The following KCNH5 variants were observed in gnomAD, a reference collection of about 807,000 sequenced individuals.
KCNH5 encodes voltage-gated delayed rectifier potassium channel KCNH5.
In KCNH5, 46 loss-of-function variants were observed where a neutral mutation model predicts 96.1. That is an observed-to-expected ratio of 0.48 (90% confidence interval 0.38 to 0.61). The LOEUF (loss-of-function observed/expected upper bound fraction) is 0.61, where lower values mean the gene tolerates loss of function less well. KCNH5 is among the 20% of genes least tolerant of loss of function. The pLI, the probability that KCNH5 is intolerant of heterozygous loss-of-function variation, is 0.00. For synonymous variants in KCNH5, 439 were observed against 449.8 expected (o/e 0.98, Z 0.30); for missense variants, 907 against 1,225.8 (o/e 0.74, Z 3.88).
At chr14:62,715,529 A>T (rs1056924036) in intron 10 of KCNH5, among the ~76,000 whole-genome samples, 3 of 152,218 alleles carry the variant, frequency 2.0e-5, no homozygotes, top group African/African-American at 7.2e-5. Context: ...TGTATATATC[A>T]GAGGCTGTAC....
Position 62,705,468 on chromosome 14 carries a change from A to T in KCNH5, c.*2040T>A, listed in dbSNP as rs1884411533. On this transcript the variant is annotated 3_prime_UTR_variant, in exon 11 of 11. Transcript: ENST00000322893. ...CTCACCATGAAAGCAACAAAATTCC[A>T]ATTTCAAGGCTGATTCTTTACTCCA... 1 of 151,966 alleles carries T rather than the reference A, an allele frequency of 6.6e-6. No individual in the cohort carries two copies. Among genetic ancestry groups the T allele is most frequent in the Non-Finnish European group, 1.5e-5 (1 of 67,862 alleles). 9.4% of individuals were successfully genotyped at this position (151,966 alleles called of 1,614,324 possible).
chr14:63,025,629 A>AAAC (rs940712385), intron 1 of KCNH5, among the ~76,000 whole-genome samples: 32 of 151,672 alleles, frequency 2.1e-4, no homozygotes, highest in African/African-American at 7.7e-4. Flanking sequence ...ACAAAAAAAA[A>AAAC]AACAGTACTT....
rs118119577 is a variant in KCNH5, at chr14:62,720,393, G to A, written c.2020-11938C>T. ...ATAGAAGAAGAGATACTAATTAAGA[G>A]ACTTTTTGACCCCGTCTCTACTAAA... is the stretch of plus-strand genomic sequence containing the variant. On this transcript the variant is annotated intron_variant, in intron 10 of 10. Coordinates refer to ENST00000322893, the MANE Select transcript of KCNH5 (RefSeq NM_139318.5). 6.1e-3 allele frequency among the ~76,000 whole-genome samples: 715 copies of A among 116,594 alleles called. 21 individuals carry two copies. The East Asian group carries it at 0.12, about 19-fold the overall frequency. 76.5% of individuals were successfully genotyped at this position (116,594 alleles called of 152,430 possible).
chr14:62,989,043 A>G (rs1335960739), intron 4 of KCNH5, among the ~76,000 whole-genome samples: 2 of 151,664 alleles, frequency 1.3e-5, no homozygotes, highest in Non-Finnish European at 2.9e-5. Context: ...ACACACACAC[A>G]CACTTATTTC....
At chr14:62,772,406 A>G (rs1435340237) in intron 10 of KCNH5, among the ~76,000 whole-genome samples, 1 of 152,178 alleles carries the variant, frequency 6.6e-6, no homozygotes, top group Non-Finnish European at 1.5e-5. Flanking sequence ...CAAGAAGCTG[A>G]GATGGGCAGA....
intron 7 of KCNH5, among the ~76,000 whole-genome samples, chr14:62,856,896 G>C (rs888751462): frequency 1.3e-5 from 2 of 151,956 alleles, no homozygotes; most frequent in African/African-American, 4.8e-5. Context: ...AAAACTATTT[G>C]ACGCATTTTC....
intron 7 of KCNH5, among the ~76,000 whole-genome samples, chr14:62,894,237 A>T (rs1249290777): frequency 6.6e-6 from 1 of 152,190 alleles, no homozygotes; most frequent in African/African-American, 2.4e-5. Flanking sequence ...TGAACCTATA[A>T]TATCTCTGAG....
intron 7 of KCNH5, among the ~76,000 whole-genome samples, chr14:62,945,905 T>C (rs1889878230): frequency 6.6e-6 from 1 of 151,504 alleles, no homozygotes; most frequent in Admixed American, 6.6e-5. Flanking sequence ...GTGAGTGAGG[T>C]AGGCAGGGCC....
intron 10 of KCNH5, among the ~76,000 whole-genome samples, chr14:62,722,132 A>C (rs1884829577): frequency 6.6e-6 from 1 of 152,206 alleles, no homozygotes. Context: ...CATTTGAACA[A>C]AATGATAAAG....
intron 7 of KCNH5, among the ~76,000 whole-genome samples, chr14:62,870,915 G>T (rs892994012): frequency 6.6e-6 from 1 of 152,090 alleles, no homozygotes; most frequent in Non-Finnish European, 1.5e-5. Flanking sequence ...TCCAACACAG[G>T]TATTCTGACC....
intron 10 of KCNH5, among the ~76,000 whole-genome samples, chr14:62,764,731 A>G (rs1885823375): frequency 6.6e-6 from 1 of 152,318 alleles, no homozygotes; most frequent in East Asian, 1.9e-4. Flanking sequence ...ACAATGTCCA[A>G]CCTGACAGCC....
intron 7 of KCNH5, among the ~76,000 whole-genome samples, chr14:62,865,333 T>TAA (rs35939292): frequency 2.3e-5 from 3 of 132,050 alleles, no homozygotes; most frequent in Non-Finnish European, 4.9e-5. Context: ...AAATGCTATT[T>TAA]AAAAAAAAAA....
intron 1 of KCNH5, among the ~76,000 whole-genome samples, chr14:63,035,634 G>T (rs1208199869): frequency 2.6e-5 from 4 of 152,174 alleles, no homozygotes; most frequent in Admixed American, 6.5e-5. Context: ...GTAGGTTTTT[G>T]TTTGGGGCGA....
chr14:62,789,103 C>A (rs1886378140), intron 9 of KCNH5, among the ~76,000 whole-genome samples: 1 of 152,032 alleles, frequency 6.6e-6, no homozygotes, highest in Non-Finnish European at 1.5e-5. Context: ...TACTCCACAT[C>A]CCCACCACTG....
chr14:63,045,320 G>C lies in KCNH5; in HGVS notation c.-134C>G, dbSNP rs1216722513. On this transcript the variant is annotated 5_prime_UTR_variant, in exon 1 of 11. Coordinates refer to ENST00000322893, the MANE Select transcript of KCNH5 (RefSeq NM_139318.5). ...GAAGAGGGGGCGCGGCGGCGGCGAC[G>C]GGGTCCCCTGACTGTGTCTCCAGCC... is the stretch of plus-strand genomic sequence containing the variant. 6 of 707,584 alleles carry C rather than the reference G, an allele frequency of 8.5e-6. No homozygotes were observed. The highest frequency in any genetic ancestry group is 1.5e-5 in the Non-Finnish European group (6 of 405,834). The allele number at this position is 707,584 out of a possible 1,614,324, so 43.8% of individuals were successfully genotyped here.
chr14:63,032,119 T>C (rs914327359), intron 1 of KCNH5, among the ~76,000 whole-genome samples: 4 of 148,262 alleles, frequency 2.7e-5, no homozygotes, highest in African/African-American at 7.5e-5. Context: ...AAAAAAAAAC[T>C]TTCACTAATT....
In KCNH5 at chr14:62,848,380, C is replaced by A. The variant is rs542608673; in HGVS notation, c.1569+1273G>T. Among the ~76,000 whole-genome samples, 3 of 152,242 alleles carry A rather than the reference C, an allele frequency of 2.0e-5. No individual in the cohort carries two copies. The East Asian group carries it at 5.8e-4, about 29-fold the overall frequency. On this transcript the variant is annotated intron_variant, in intron 8 of 10. Coordinates refer to ENST00000322893, the MANE Select transcript of KCNH5 (RefSeq NM_139318.5). ...TGAAATTCCATAGAAATGTAGCTTG[C>A]TTTCTCCCTTCTGTTTTCATGCGTA...
chr14:62,937,711 C>T (rs967863777), intron 7 of KCNH5, among the ~76,000 whole-genome samples: 2 of 152,178 alleles, frequency 1.3e-5, no homozygotes, highest in Non-Finnish European at 2.9e-5. Context: ...ATTTTAGGGG[C>T]AGCTGTTCAC....
At chr14:62,870,056 G>A (rs560063866) in intron 7 of KCNH5, among the ~76,000 whole-genome samples, 82 of 152,238 alleles carry the variant, frequency 5.4e-4, no homozygotes, top group African/African-American at 1.8e-3. Flanking sequence ...TGGCTACTTC[G>A]AGTGTATGCT....
Sources: gnomAD v4.1 joint callset for allele counts (sites outside exome capture counted in the v4.1 genomes callset) on GRCh38, gnomAD v4.1.1 for gene constraint, MANE v1.5 for transcripts, NCBI Gene and HGNC (gene_info 2026-07-23, HGNC 2026-07-21) for gene names.